The following XIRP2 variants were observed in gnomAD, a reference collection of about 807,000 sequenced individuals.
XIRP2 encodes xin actin binding repeat containing 2.
A neutral mutation model predicts 277.0 loss-of-function variants in XIRP2; 236 were observed. That is an observed-to-expected ratio of 0.85 (90% CI 0.77 to 0.95). The LOEUF (loss-of-function observed/expected upper bound fraction) is 0.95, where lower values mean the gene tolerates loss of function less well. XIRP2 is among the 40% of genes least tolerant of loss of function. The pLI, the probability that XIRP2 is intolerant of heterozygous loss-of-function variation, is 0.00. For missense variants in XIRP2, 4,640 were observed against 4,157.5 expected, an observed-to-expected ratio of 1.12 and a Z score of -3.19; for synonymous variants, 1,490 against 1,416.5, an observed-to-expected ratio of 1.05 and a Z score of -1.17.
chr2:167,103,227 T>C (rs1558981226), intron 2 of XIRP2, among the ~76,000 whole-genome samples: 1 of 152,200 alleles, frequency 6.6e-6, no homozygotes, highest in African/African-American at 2.4e-5. Flanking sequence ...GGATTTTACC[T>C]ACTGTAATCT....
intron 2 of XIRP2, among the ~76,000 whole-genome samples, chr2:167,006,574 G>T (rs1163455100): frequency 6.6e-6 from 1 of 151,746 alleles, no homozygotes; most frequent in Non-Finnish European, 1.5e-5. Context: ...GTGTTCAGCT[G>T]CCTGATGGGC....
At chr2:167,069,403 T>G (rs1689383008) in intron 2 of XIRP2, among the ~76,000 whole-genome samples, 1 of 152,212 alleles carries the variant, frequency 6.6e-6, no homozygotes, top group Non-Finnish European at 1.5e-5. Flanking sequence ...GCTCTAGCTC[T>G]GCTTTAAGCA....
intron 3 of XIRP2, among the ~76,000 whole-genome samples, chr2:167,175,382 C>T (rs1286911478): frequency 6.6e-6 from 1 of 152,144 alleles, no homozygotes; most frequent in East Asian, 1.9e-4. Context: ...TTCCTTCTAA[C>T]AGTCAGGCCC....
chr2:166,999,623 A>C (rs527459847), intron 2 of XIRP2, among the ~76,000 whole-genome samples: 1 of 152,138 alleles, frequency 6.6e-6, no homozygotes, highest in African/African-American at 2.4e-5. Context: ...TTCTGTCTCT[A>C]TTTTACACCA....
chr2:167,031,413 T>C (rs533375402), intron 2 of XIRP2, among the ~76,000 whole-genome samples: 21 of 152,280 alleles, frequency 1.4e-4, no homozygotes, highest in Non-Finnish European at 2.4e-4. Context: ...TCTTGGCATT[T>C]GCTTGTCTTT....
chr2:166,913,500 C>A (rs185115002), intron 2 of XIRP2, among the ~76,000 whole-genome samples: 1 of 152,292 alleles, frequency 6.6e-6, no homozygotes, highest in East Asian at 1.9e-4. Flanking sequence ...GAGCTGTAGA[C>A]TGGAGCTGTT....
chr2:167,117,139 A>T (rs1690918242), intron 2 of XIRP2, among the ~76,000 whole-genome samples: 1 of 152,160 alleles, frequency 6.6e-6, no homozygotes, highest in Admixed American at 6.5e-5. Context: ...TGGTTAATAG[A>T]ATTGTAATCT....
At chr2:167,017,105 A>T (rs984434347) in intron 2 of XIRP2, among the ~76,000 whole-genome samples, 24 of 151,828 alleles carry the variant, frequency 1.6e-4, no homozygotes, top group Non-Finnish European at 3.4e-4. Context: ...TTCACCAAAT[A>T]ATTCAGGGAT....
At chr2:167,058,613 T>C (rs574061685) in intron 2 of XIRP2, among the ~76,000 whole-genome samples, 1 of 152,296 alleles carries the variant, frequency 6.6e-6, no homozygotes, top group South Asian at 2.1e-4. Context: ...TGCCTCTCCA[T>C]GTTACCTCCC....
rs562916508 is a variant in XIRP2 at position 166,913,360 on chromosome 2, G to A, written c.408+9470G>A. 6.6e-5 allele frequency among the ~76,000 whole-genome samples: 10 copies of A among 151,658 alleles called. No individual in the cohort carries two copies. The South Asian group carries it at 8.3e-4, about 13-fold the overall frequency. On this transcript the variant is annotated intron_variant, in intron 2 of 10. Transcript: ENST00000409195. ...GCCTTGCAGATCAATCTCAGACTGC[G>A]GTGCTAGCAATGAGTGAGGCTCCGT...
At chr2:167,023,212 T>A (rs144700292) in intron 2 of XIRP2, among the ~76,000 whole-genome samples, 116 of 152,328 alleles carry the variant, frequency 7.6e-4, no homozygotes, top group African/African-American at 2.6e-3. Flanking sequence ...CCATTGACGG[T>A]TAGCATTTTT....
At chr2:167,137,847 T>C (rs952544397) in intron 3 of XIRP2, among the ~76,000 whole-genome samples, 1 of 152,158 alleles carries the variant, frequency 6.6e-6, no homozygotes, top group Non-Finnish European at 1.5e-5. Flanking sequence ...AATTCCTACG[T>C]AGCAATACAT....
intron 2 of XIRP2, among the ~76,000 whole-genome samples, chr2:167,001,691 A>C (rs1255058157): frequency 6.6e-6 from 1 of 152,138 alleles, no homozygotes; most frequent in Non-Finnish European, 1.5e-5. Flanking sequence ...AGGATTTTGT[A>C]AGTGCCCCTA....
At chr2:167,093,260 A>G (rs1460615909) in intron 2 of XIRP2, among the ~76,000 whole-genome samples, 2 of 150,488 alleles carry the variant, frequency 1.3e-5, no homozygotes. Context: ...TATAATTATC[A>G]AGTGTATGTT....
chr2:166,892,874 G>C (rs1299991528), intron 1 of XIRP2, among the ~76,000 whole-genome samples: 1 of 148,190 alleles, frequency 6.7e-6, no homozygotes, highest in African/African-American at 2.5e-5. Flanking sequence ...ATATGTATGT[G>C]TGTATATATG....
chr2:167,147,949 T>G (rs1487808890), intron 3 of XIRP2, among the ~76,000 whole-genome samples: 3 of 152,130 alleles, frequency 2.0e-5, no homozygotes, highest in Non-Finnish European at 2.9e-5. Flanking sequence ...GAGCAAAAAT[T>G]AAAGGATCAG....
chr2:166,910,570 G>C (rs1684673059), intron 2 of XIRP2, among the ~76,000 whole-genome samples: 1 of 152,088 alleles, frequency 6.6e-6, no homozygotes. Context: ...CCAGCTCCTG[G>C]ATTCGTTGAT....
At chr2:167,050,707 C>A (rs79999507) in intron 2 of XIRP2, among the ~76,000 whole-genome samples, 2 of 151,358 alleles carry the variant, frequency 1.3e-5, no homozygotes, top group South Asian at 2.1e-4. Context: ...ATCAATAGAA[C>A]GAGAAGGGAT....
chr2:166,901,695 G>A (rs764732559), intron 1 of XIRP2, among the ~76,000 whole-genome samples: 2 of 152,094 alleles, frequency 1.3e-5, no homozygotes, highest in Non-Finnish European at 2.9e-5. Context: ...GACATTAACA[G>A]CATATGTTGT....
Sources: gnomAD v4.1 joint callset for allele counts (sites outside exome capture counted in the v4.1 genomes callset) on GRCh38, gnomAD v4.1.1 for gene constraint, MANE v1.5 for transcripts, NCBI Gene and HGNC (gene_info 2026-07-23, HGNC 2026-07-21) for gene names.